The following ADAMTSL1 variants were observed in gnomAD, a reference collection of about 807,000 sequenced individuals.
ADAMTSL1 encodes the protein ADAMTS like 1.
Under a neutral mutation model 201.8 loss-of-function variants are expected in ADAMTSL1, and 126 were observed. The ratio of observed to expected loss-of-function variants is 0.62; its 90% CI spans 0.54 to 0.72. The LOEUF (loss-of-function observed/expected upper bound fraction) is 0.72. Among genes scored for constraint, ADAMTSL1 ranks in the 30% least tolerant of loss-of-function variants. ADAMTSL1 has a pLI of 0.00. For missense variants in ADAMTSL1, 2,679 were observed against 2,277.8 expected (o/e 1.18, Z -3.59); for synonymous variants, 1,121 against 903.4 (o/e 1.24, Z -4.32).
At chr9:18,471,587 C>T (rs567439174), upstream of ADAMTSL1, among the ~76,000 whole-genome samples, 11 of 152,272 alleles carry the variant, frequency 7.2e-5, no homozygotes, top group African/African-American at 2.6e-4. Context: ...TTTGTTCTCC[C>T]TTTTCTGAAG....
chr9:18,370,038 G>A (rs1836971773), intron 2 of ADAMTSL1, among the ~76,000 whole-genome samples: 1 of 152,198 alleles, frequency 6.6e-6, no homozygotes, highest in Non-Finnish European at 1.5e-5. Context: ...CCAGCACTTT[G>A]GGAGGCCGAG....
intron 3 of ADAMTSL1, among the ~76,000 whole-genome samples, chr9:18,540,965 C>T (rs1026525639): frequency 6.6e-6 from 1 of 152,180 alleles, no homozygotes; most frequent in Non-Finnish European, 1.5e-5. Flanking sequence ...AAGAAATATA[C>T]TTCTCCCCAG....
intron 10 of ADAMTSL1, among the ~76,000 whole-genome samples, chr9:18,679,285 C>G (rs1587874430): frequency 6.6e-6 from 1 of 152,136 alleles, no homozygotes; most frequent in Non-Finnish European, 1.5e-5. Flanking sequence ...AATTATATCT[C>G]TCATAATTCT....
intron 2 of ADAMTSL1, among the ~76,000 whole-genome samples, chr9:18,230,515 A>G (rs1830608852): frequency 6.6e-6 from 1 of 152,136 alleles, no homozygotes; most frequent in South Asian, 2.1e-4. Context: ...GGGGAAAATG[A>G]AGACAAATGA....
chr9:18,836,226 GTCT>G (rs1825301323), intron 23 of ADAMTSL1, among the ~76,000 whole-genome samples: 1 of 152,228 alleles, frequency 6.6e-6, no homozygotes, highest in South Asian at 2.1e-4. Flanking sequence ...GTATCTCATT[GTCT>G]TCTTTTGAGA....
At chr9:17,998,449 T>C (rs1174182038) in intron 1 of ADAMTSL1, among the ~76,000 whole-genome samples, 1 of 151,948 alleles carries the variant, frequency 6.6e-6, no homozygotes, top group Non-Finnish European at 1.5e-5. Context: ...TGCTGGTCGA[T>C]GATACCAAGC....
At chr9:18,299,884 G>C (rs766256996) in intron 2 of ADAMTSL1, among the ~76,000 whole-genome samples, 5 of 152,204 alleles carry the variant, frequency 3.3e-5, no homozygotes. Context: ...GGATCCTAAA[G>C]TATTTCAAAG....
intron 1 of ADAMTSL1, among the ~76,000 whole-genome samples, chr9:18,489,676 C>G (rs1822172836): frequency 6.6e-6 from 1 of 152,120 alleles, no homozygotes. Context: ...CTTTTATTTT[C>G]TTTATTTTTC....
At chr9:18,891,811 T>G (rs1200123092) in intron 25 of ADAMTSL1, among the ~76,000 whole-genome samples, 1 of 152,208 alleles carries the variant, frequency 6.6e-6, no homozygotes, top group African/African-American at 2.4e-5. Flanking sequence ...GGATCTGACT[T>G]CCCTAGAACA....
At chr9:18,349,128 A>G (rs935359482) in intron 2 of ADAMTSL1, among the ~76,000 whole-genome samples, 3 of 152,182 alleles carry the variant, frequency 2.0e-5, no homozygotes, top group Non-Finnish European at 4.4e-5. Flanking sequence ...AGTGCTCTTA[A>G]CCATCACACT....
At chr9:18,636,288 C>G (rs10963691) in intron 6 of ADAMTSL1, among the ~76,000 whole-genome samples, 1 of 151,966 alleles carries the variant, frequency 6.6e-6, no homozygotes, top group African/African-American at 2.4e-5. Context: ...TATGCTCTTG[C>G]GAGTGTTATA....
At chr9:18,472,030 C>T (rs964458594), upstream of ADAMTSL1, among the ~76,000 whole-genome samples, 1 of 152,182 alleles carries the variant, frequency 6.6e-6, no homozygotes, top group African/African-American at 2.4e-5. Flanking sequence ...ACCTATTCTT[C>T]CCTTTGGATC....
In ADAMTSL1 at chr9:18,777,143, T is replaced by G. The variant is rs1362986879; in HGVS notation, c.2914T>G (p.Leu972Val). Residue 972 changes from leucine (L) to valine (V), a missense_variant, in exon 19 of 29, where the codon TTG becomes GTG. Coordinates refer to ENST00000380548, the MANE Select transcript of ADAMTSL1 (RefSeq NM_001040272.6). Reference sequence around the variant, plus strand: ...CAACCGCAAGCTCGTGGCCCGGCCCTTGAGCCCGAGAAGTGAGGAAGAGGT... The same window carrying G: ...CAACCGCAAGCTCGTGGCCCGGCCCGTGAGCCCGAGAAGTGAGGAAGAGGT... Reference protein sequence around the residue: ...GGNRKLVARPLSPRSEEEVLA... With the variant: ...GGNRKLVARPVSPRSEEEVLA... 1 of 1,612,986 alleles carries G rather than the reference T, an allele frequency of 6.2e-7. No homozygotes were observed. The highest frequency in any genetic ancestry group is 1.7e-5 in the Admixed American group (1 of 60,028).
intron 3 of ADAMTSL1, among the ~76,000 whole-genome samples, chr9:18,558,651 C>G (rs1821265412): frequency 6.6e-6 from 1 of 152,164 alleles, no homozygotes. Context: ...TCCTATTTCT[C>G]CACATCCTCT....
In ADAMTSL1 at chr9:18,017,651, A is replaced by T. The variant is rs181087330; in HGVS notation, c.87+110729A>T. On this transcript the variant is annotated intron_variant, in intron 1 of 29. Coordinates refer to the ADAMTSL1 transcript ENST00000680146. Reference sequence around the variant, plus strand: ...GAATTGAACATGAAATTATGATCAAATTTTTTCTTAAATCTAATAGGTCAC... The same window carrying T: ...GAATTGAACATGAAATTATGATCAATTTTTTTCTTAAATCTAATAGGTCAC... Among the ~76,000 whole-genome samples, 49 of 152,004 alleles carry T rather than the reference A, an allele frequency of 3.2e-4. 1 individual carries two copies. Among genetic ancestry groups the T allele is most frequent in the Admixed American group, 1.4e-3 (21 of 15,242 alleles).
intron 1 of ADAMTSL1, among the ~76,000 whole-genome samples, chr9:18,492,407 C>T (rs1029893943): frequency 6.6e-6 from 1 of 152,102 alleles, no homozygotes; most frequent in African/African-American, 2.4e-5. Context: ...TATAATTTAG[C>T]ATTTCTTTTA....
chr9:18,070,785 GT>G (rs988323716), intron 1 of ADAMTSL1, among the ~76,000 whole-genome samples: 6 of 152,156 alleles, frequency 3.9e-5, no homozygotes, highest in African/African-American at 1.4e-4. Flanking sequence ...GGATGGGATG[GT>G]GTGGAGATGA....
At chr9:18,097,172 A>G (rs567591262) in intron 1 of ADAMTSL1, among the ~76,000 whole-genome samples, 48 of 152,334 alleles carry the variant, frequency 3.2e-4, no homozygotes, top group Admixed American at 7.2e-4. Context: ...TTTCATATGC[A>G]TGGAATCATG....
chr9:18,613,667 TG>T (rs1390171011), intron 4 of ADAMTSL1, among the ~76,000 whole-genome samples: 1 of 151,570 alleles, frequency 6.6e-6, no homozygotes, highest in Admixed American at 6.6e-5. Flanking sequence ...CACTTATAAG[TG>T]GGGGTAAATG....
Sources: allele counts gnomAD v4.1 joint callset (sites outside exome capture counted in the v4.1 genomes callset), GRCh38; gene constraint gnomAD v4.1.1; transcripts MANE v1.5; gene names NCBI Gene and HGNC (gene_info 2026-07-23, HGNC 2026-07-21).